Variants in EHBP1 observed in about 807,000 individuals in gnomAD.
The protein encoded by EHBP1 is EH domain binding protein 1, also known as EH domain-binding protein 1.
EHBP1 carries 55 observed loss-of-function variants against 144.0 expected under a neutral mutation model. The ratio of observed to expected loss-of-function variants is 0.38; its 90% CI spans 0.31 to 0.48. The LOEUF (loss-of-function observed/expected upper bound fraction) is 0.48. Ranked by LOEUF, EHBP1 falls within the 20% of genes least tolerant of loss-of-function variation. The pLI, the probability that EHBP1 is intolerant of heterozygous loss-of-function variation, is 0.98. For missense variants in EHBP1, 1,200 were observed against 1,364.2 expected (o/e 0.88, Z 1.90); for synonymous variants, 469 against 472.7 (o/e 0.99, Z 0.10).
intron 10 of EHBP1, among the ~76,000 whole-genome samples, chr2:62,887,644 G>A (rs574454242): frequency 2.0e-5 from 3 of 152,154 alleles, no homozygotes; most frequent in African/African-American, 7.2e-5. Flanking sequence ...GGAGACTAAG[G>A]TGGGAGGATT....
At chr2:62,766,853 G>A (rs2041229238) in intron 4 of EHBP1, among the ~76,000 whole-genome samples, 1 of 151,056 alleles carries the variant, frequency 6.6e-6, no homozygotes, top group Admixed American at 6.6e-5. Context: ...GTCTTTGAAG[G>A]CAAGGACAAC....
intron 19 of EHBP1, among the ~76,000 whole-genome samples, chr2:63,030,287 A>G (rs1266710427): frequency 1.3e-5 from 2 of 152,066 alleles, no homozygotes; most frequent in African/African-American, 2.4e-5. Flanking sequence ...CGTGTATCCA[A>G]ATAACCTAAA....
chr2:63,018,644 G>A (rs2060580230), intron 19 of EHBP1, among the ~76,000 whole-genome samples: 1 of 152,124 alleles, frequency 6.6e-6, no homozygotes, highest in African/African-American at 2.4e-5. Context: ...GCTGACTCAT[G>A]TTTATTCATT....
chr2:62,677,355 A>G (rs1281049204), intron 1 of EHBP1, among the ~76,000 whole-genome samples: 4 of 152,030 alleles, frequency 2.6e-5, no homozygotes, highest in Non-Finnish European at 5.9e-5. Flanking sequence ...TTTAATTTTA[A>G]TTTTTAGTTT....
intron 9 of EHBP1, among the ~76,000 whole-genome samples, chr2:62,873,586 G>A (rs888371941): frequency 3.9e-5 from 6 of 152,008 alleles, no homozygotes; most frequent in Non-Finnish European, 5.9e-5. Flanking sequence ...TTTCAGAACC[G>A]ATAAAACACA....
chr2:62,888,983 A>T (rs985197568), intron 10 of EHBP1, among the ~76,000 whole-genome samples: 3 of 150,554 alleles, frequency 2.0e-5, no homozygotes, highest in African/African-American at 7.3e-5. Flanking sequence ...GGAGGCATGC[A>T]AGTACAAACT....
At chr2:62,703,980 G>A (rs1162843406), upstream of EHBP1, among the ~76,000 whole-genome samples, 1 of 152,114 alleles carries the variant, frequency 6.6e-6, no homozygotes, top group Non-Finnish European at 1.5e-5. Context: ...TTTCTGAAGG[G>A]TAACTTGGAT....
Position 62,874,459 on chromosome 2 carries a change from T to G in EHBP1, c.1112T>G (p.Val371Gly), listed in dbSNP as rs576168700. 5 of 1,613,412 alleles carry G rather than the reference T, an allele frequency of 3.1e-6. No homozygotes were observed. The South Asian group carries it at 5.5e-5, about 18-fold the overall frequency. The change falls in exon 10 of 23, where the codon GTC (valine) becomes GGC (glycine). Residue 371 changes from valine to glycine, a missense_variant. By Grantham distance (109) the Val-to-Gly change is moderately radical. Around this residue, in one of 6 missense-constraint regions of EHBP1, gnomAD observed 266 missense variants for 262.4 expected, o/e 1.01. Coordinates refer to ENST00000431489, the MANE Select transcript of EHBP1 (RefSeq NM_001142616.3). ...RVKRKAPAPP[V>G]LSPKTGVLNE... The stretch of plus-strand genomic sequence containing the variant: ...AAAAGAAAGGCCCCGGCTCCACCAG[T>G]CCTCTCACCAAAAACAGGAGTATTA...
upstream of EHBP1, among the ~76,000 whole-genome samples, chr2:62,704,072 T>C (rs1056296025): frequency 1.3e-5 from 2 of 152,222 alleles, no homozygotes; most frequent in African/African-American, 4.8e-5. Flanking sequence ...GCAGAATATA[T>C]TATTATATGA....
At chr2:62,691,799 A>G (rs1426464013) in intron 1 of EHBP1, among the ~76,000 whole-genome samples, 1 of 152,190 alleles carries the variant, frequency 6.6e-6, no homozygotes, top group Non-Finnish European at 1.5e-5. Context: ...TCTGTATTAG[A>G]ATATTATATT....
intron 10 of EHBP1, among the ~76,000 whole-genome samples, chr2:62,886,576 A>G (rs2051948355): frequency 6.6e-6 from 1 of 152,178 alleles, no homozygotes; most frequent in Non-Finnish European, 1.5e-5. Flanking sequence ...CTTAAACAGA[A>G]AGGATAAAGT....
At chr2:63,007,177 T>A (rs2060074289) in intron 19 of EHBP1, among the ~76,000 whole-genome samples, 1 of 151,866 alleles carries the variant, frequency 6.6e-6, no homozygotes, top group Admixed American at 6.6e-5. Context: ...CCAACTTTAA[T>A]GGGATAACCA....
intron 10 of EHBP1, among the ~76,000 whole-genome samples, chr2:62,903,831 G>A (rs958314827): frequency 2.6e-5 from 4 of 151,960 alleles, no homozygotes; most frequent in African/African-American, 9.7e-5. Context: ...GAGTGAAAAG[G>A]TCTGCTCCCC....
intron 5 of EHBP1, among the ~76,000 whole-genome samples, chr2:62,821,687 C>G (rs1288068245): frequency 6.6e-6 from 1 of 152,018 alleles, no homozygotes; most frequent in African/African-American, 2.4e-5. Context: ...CTCAAAAAAG[C>G]AACAACAGCA....
chr2:62,788,078 G>A (rs2042935218), intron 5 of EHBP1, among the ~76,000 whole-genome samples: 1 of 151,968 alleles, frequency 6.6e-6, no homozygotes, highest in South Asian at 2.1e-4. Flanking sequence ...CCAGGAAAAG[G>A]GATTTTTAAA....
At chr2:62,680,760 C>A (rs1484849256) in intron 1 of EHBP1, among the ~76,000 whole-genome samples, 1 of 152,116 alleles carries the variant, frequency 6.6e-6, no homozygotes, top group Non-Finnish European at 1.5e-5. Context: ...AGGACAGTAG[C>A]TATACAGAAA....
intron 10 of EHBP1, among the ~76,000 whole-genome samples, chr2:62,902,162 A>C (rs749995482): frequency 3.3e-5 from 5 of 152,122 alleles, no homozygotes; most frequent in Non-Finnish European, 2.9e-5. Context: ...CATGTTCAAG[A>C]GTGTGCTTTG....
chr2:63,011,528 A>C (rs2060268971), intron 19 of EHBP1, among the ~76,000 whole-genome samples: 2 of 151,964 alleles, frequency 1.3e-5, no homozygotes, highest in South Asian at 4.1e-4. Flanking sequence ...TTGCAGCTTT[A>C]AGAAGTTCAG....
intron 5 of EHBP1, among the ~76,000 whole-genome samples, chr2:62,781,248 C>A (rs1437263817): frequency 6.6e-6 from 1 of 151,870 alleles, no homozygotes; most frequent in African/African-American, 2.4e-5. Flanking sequence ...TAAATTGAAA[C>A]CCTAAAAAGT....
Sources: allele counts gnomAD v4.1 joint callset (sites outside exome capture counted in the v4.1 genomes callset), GRCh38; gene constraint gnomAD v4.1.1; regional missense constraint gnomAD v4.1.1; transcripts MANE v1.5; gene names NCBI Gene and HGNC (gene_info 2026-07-23, HGNC 2026-07-21).